FSBP: variants seen among roughly 807,000 people sequenced by gnomAD.
The protein encoded by FSBP is fibrinogen silencer binding protein, also known as fibrinogen silencer-binding protein.
A neutral mutation model predicts 24.6 loss-of-function variants in FSBP; 18 were observed. The ratio of observed to expected loss-of-function variants is 0.73; its 90% CI spans 0.51 to 1.08. The LOEUF is 1.08. Among genes scored for constraint, FSBP ranks in the 50% least tolerant of loss-of-function variants. The probability of loss-of-function intolerance (pLI) is 0.00; values close to 1 mark genes in which losing one functional copy is unlikely to be tolerated. For synonymous variants in FSBP, 110 were observed against 125.8 expected, an observed-to-expected ratio of 0.87 and a Z score of 0.84; for missense variants, 305 against 347.6, an observed-to-expected ratio of 0.88 and a Z score of 0.98.
In FSBP at chr8:94,429,185, A is replaced by C. The variant is rs748095269; in HGVS notation, c.*2946T>G. The C allele has an allele frequency of 3.1e-5, 26 of 840,812 alleles. No individual in the cohort carries two copies. The highest frequency in any genetic ancestry group is 3.7e-5 in the Non-Finnish European group (26 of 698,222). 52.1% of individuals were successfully genotyped at this position (840,812 alleles called of 1,614,324 possible). The stretch of plus-strand genomic sequence containing the variant: ...GGTTTCTTATTGTATACAGCCCCTA[A>C]ATGCTAATGAATTGTGTCACCTAAC... On this transcript the variant is annotated 3_prime_UTR_variant, in exon 2 of 2. Coordinates refer to ENST00000481490, the MANE Select transcript of FSBP (RefSeq NM_001256141.2).
In FSBP at chr8:94,430,874, C is replaced by A; in HGVS notation, c.*1257G>T. On this transcript the variant is annotated 3_prime_UTR_variant, in exon 2 of 2. Transcript: ENST00000481490. Reference sequence around the variant, plus strand: ...CCTTCCTAGTCCAGGATACTACAGCCCAAATTGACTCTCTCTACATTCACT... The same window carrying A: ...CCTTCCTAGTCCAGGATACTACAGCACAAATTGACTCTCTCTACATTCACT... The A allele has an allele frequency of 3.0e-6, 3 of 985,376 alleles. No homozygotes were observed. Among genetic ancestry groups the A allele is most frequent in the Non-Finnish European group, 3.6e-6 (3 of 829,916 alleles). 61.0% of individuals were successfully genotyped at this position (985,376 alleles called of 1,614,324 possible).
In FSBP at chr8:94,436,936, T is replaced by C; in HGVS notation, c.-68A>G. 6.9e-7 allele frequency: 1 copy of C among 1,451,692 alleles called. No individual in the cohort carries two copies. The highest frequency in any genetic ancestry group is 2.5e-5 in the East Asian group (1 of 39,842). 89.9% of individuals were successfully genotyped at this position (1,451,692 alleles called of 1,614,324 possible). ...CAGCCTTCAGCTCTGCTCAGCTCTT[T>C]TCACAAACAGAAAAAGATCAGGCTT... On this transcript the variant is annotated 5_prime_UTR_variant, in exon 1 of 2. Transcript: ENST00000481490.
At position 94,428,070 on chromosome 8, in the gene FSBP, A is replaced by C. The variant is rs1465600534; in HGVS notation, c.*4061T>G. On this transcript the variant is annotated 3_prime_UTR_variant, in exon 2 of 2. Transcript: ENST00000481490. ...CAGGATGTCATTATAAATCACAGCT[A>C]GTTTAGAAAATCATAAGTTGTAACA... 2.7e-5 allele frequency: 26 copies of C among 950,086 alleles called. No homozygotes were observed. Among genetic ancestry groups the C allele is most frequent in the Non-Finnish European group, 3.3e-5 (26 of 797,932 alleles). The allele number at this position is 950,086 out of a possible 1,614,324, so 58.9% of individuals were successfully genotyped here. A position where few individuals can be genotyped will look rare whatever the true frequency, so the allele number is the denominator to read the frequency against.
chr8:94,433,005 T>G (rs1563655439), intron 1 of FSBP, among the ~76,000 whole-genome samples: 1 of 152,206 alleles, frequency 6.6e-6, no homozygotes, highest in East Asian at 1.9e-4. Flanking sequence ...TTTCAAATGG[T>G]GTACAGAGCC....
In FSBP at chr8:94,436,651, T is replaced by C; in HGVS notation, c.218A>G (p.Lys73Arg). Reference protein sequence around the residue: ...RTAQGLRTLYKRLKEYAKQEL... With the variant: ...RTAQGLRTLYRRLKEYAKQEL... Reference sequence around the variant, plus strand: ...CTGTTTGGCATATTCTTTGAGCCTTTTATAAAGGGTGCGTAGGCCCTGTGC... The same window carrying C: ...CTGTTTGGCATATTCTTTGAGCCTTCTATAAAGGGTGCGTAGGCCCTGTGC... The change falls in exon 1 of 2, where the codon AAA becomes AGA. Residue 73 changes from lysine to arginine, a missense_variant. Lys to Arg is a conservative substitution (Grantham distance 26, BLOSUM62 2). Transcript: ENST00000481490. 1 of 1,550,532 alleles carries C rather than the reference T, an allele frequency of 6.4e-7. No homozygotes were observed. The highest frequency in any genetic ancestry group is 8.7e-7 in the Non-Finnish European group (1 of 1,146,954).
chr8:94,431,109 C>T lies in FSBP; in HGVS notation c.*1022G>A, dbSNP rs1256019047. On this transcript the variant is annotated 3_prime_UTR_variant, in exon 2 of 2. Coordinates refer to ENST00000481490, the MANE Select transcript of FSBP (RefSeq NM_001256141.2). ...AAAATAGAAATTCTTAAGTAACATA[C>T]ATATTAGAGATTTAATATAAATTTA... 1.0e-6 allele frequency: 1 copy of T among 967,256 alleles called. No homozygotes were observed. The allele number at this position is 967,256 out of a possible 1,614,324, so 59.9% of individuals were successfully genotyped here.
Position 94,431,597 on chromosome 8 carries a change from G to C in FSBP, c.*534C>G. 1.1e-6 allele frequency: 1 copy of C among 917,796 alleles called. No homozygotes were observed. Among genetic ancestry groups the C allele is most frequent in the Non-Finnish European group, 1.3e-6 (1 of 768,612 alleles). 56.9% of individuals were successfully genotyped at this position (917,796 alleles called of 1,614,324 possible). On this transcript the variant is annotated 3_prime_UTR_variant, in exon 2 of 2. Transcript: ENST00000481490. The stretch of plus-strand genomic sequence containing the variant: ...AAGTCATTGAGTTCTCCCTGGACCT[G>C]TTTCATTACCCCTAAACTGCAGAGA...
chr8:94,430,023 T>C lies in FSBP; in HGVS notation c.*2108A>G, dbSNP rs1812047102. On this transcript the variant is annotated 3_prime_UTR_variant, in exon 2 of 2. Coordinates refer to ENST00000481490, the MANE Select transcript of FSBP (RefSeq NM_001256141.2). ...TACGTTAAGTCTGACTCATTAAAAA[T>C]AGTATTTAGGCTGGGCACGGTGGCT... 1 of 985,286 alleles carries C rather than the reference T, an allele frequency of 1.0e-6. No homozygotes were observed. Among genetic ancestry groups the C allele is most frequent in the South Asian group, 4.7e-5 (1 of 21,278 alleles). 61.0% of individuals were successfully genotyped at this position (985,286 alleles called of 1,614,324 possible).
At chr8:94,436,453 G>A in intron 1 of FSBP, 42 bp downstream of exon 1, 1 of 1,486,932 alleles carries the variant, frequency 6.7e-7, no homozygotes, top group Non-Finnish European at 8.9e-7. Context: ...CAATAGATAG[G>A]AGGCGCCATA....
chr8:94,430,934 T>C lies in FSBP; in HGVS notation c.*1197A>G. The C allele has an allele frequency of 1.0e-6, 1 of 985,376 alleles. No homozygotes were observed. Among genetic ancestry groups the C allele is most frequent in the Non-Finnish European group, 1.2e-6 (1 of 829,920 alleles). The allele number at this position is 985,376 out of a possible 1,614,324, so 61.0% of individuals were successfully genotyped here. A position where few individuals can be genotyped will look rare whatever the true frequency, so the allele number is the denominator to read the frequency against. ...TGGCTTAGCACTGCATTTGTGCTTA[T>C]ATACTCAATCCACTTTTTCCCATTC... On this transcript the variant is annotated 3_prime_UTR_variant, in exon 2 of 2. Transcript: ENST00000481490.
At chr8:94,432,881 G>A (rs1409635195) in intron 1 of FSBP, among the ~76,000 whole-genome samples, 1 of 151,978 alleles carries the variant, frequency 6.6e-6, no homozygotes, top group East Asian at 1.9e-4. Flanking sequence ...TTAAAATTGT[G>A]CTTTAAAGGA....
At position 94,432,407 on chromosome 8, in the gene FSBP, A is replaced by T; in HGVS notation, c.624T>A (p.Ser208=). 6.4e-7 allele frequency: 1 copy of T among 1,550,484 alleles called. No homozygotes were observed. The highest frequency in any genetic ancestry group is 8.7e-7 in the Non-Finnish European group (1 of 1,146,896). The change falls in exon 2 of 2, where the codon TCT becomes TCA. Residue 208 remains serine, a synonymous_variant. Transcript: ENST00000481490. ...SVDMRMTSSP[S]SIPRRDDFFR... ...AAAAATCATCTCTCCTTGGAATAGA[A>T]GATGGAGACGATGTCATTCTCATAT...
chr8:94,431,000 C>T lies in FSBP; in HGVS notation c.*1131G>A, dbSNP rs1211392826. ...AGCGTCTCACTCTTGACTTCAAACA[C>T]CCATGGTCCCCTTCACTGCTGAAAT... On this transcript the variant is annotated 3_prime_UTR_variant, in exon 2 of 2. Coordinates refer to ENST00000481490, the MANE Select transcript of FSBP (RefSeq NM_001256141.2). 2 of 985,340 alleles carry T rather than the reference C, an allele frequency of 2.0e-6. No homozygotes were observed. The highest frequency in any genetic ancestry group is 1.1e-4 in the East Asian group (1 of 8,814). 61.0% of individuals were successfully genotyped at this position (985,340 alleles called of 1,614,324 possible). A position where few individuals can be genotyped will look rare whatever the true frequency, so the allele number is the denominator to read the frequency against.
At position 94,431,946 on chromosome 8, in the gene FSBP, T is replaced by C. The variant is rs1812107013; in HGVS notation, c.*185A>G. 2 of 1,281,618 alleles carry C rather than the reference T, an allele frequency of 1.6e-6. No homozygotes were observed. Among genetic ancestry groups the C allele is most frequent in the African/African-American group, 3.1e-5 (2 of 64,986 alleles). 79.4% of individuals were successfully genotyped at this position (1,281,618 alleles called of 1,614,324 possible). ...AAGAAGACAATAAAAACTATAACCATGCCAACCAACCAGTAAATTTTAATA... is the reference window on the plus strand; with the variant it reads ...AAGAAGACAATAAAAACTATAACCACGCCAACCAACCAGTAAATTTTAATA... On this transcript the variant is annotated 3_prime_UTR_variant, in exon 2 of 2. Coordinates refer to ENST00000481490, the MANE Select transcript of FSBP (RefSeq NM_001256141.2).
At position 94,432,208 on chromosome 8, in the gene FSBP, G is replaced by A. The variant is rs549737241; in HGVS notation, c.823C>T (p.Leu275=). 7 of 1,550,164 alleles carry A rather than the reference G, an allele frequency of 4.5e-6. No individual in the cohort carries two copies. In the South Asian group the frequency reaches 7.1e-5, roughly 16 times the overall value. ...KRRQQLEEEL[L]RAKIEVEKLK... is the part of the protein sequence containing the mutation. ...TTCTCCACTTCAATTTTTGCTCTTA[G>A]TAGCTCTTCCTCTAGCTGCTGCCTT... is the stretch of plus-strand genomic sequence containing the variant. Residue 275 remains leucine (L), a synonymous_variant, in exon 2 of 2, where the codon CTA becomes TTA. Transcript: ENST00000481490.
At position 94,430,385 on chromosome 8, in the gene FSBP, T is replaced by C; in HGVS notation, c.*1746A>G. ...CATCATCCAAATTTATATCCCTCAGTTCACTTTCAACTACTCTTCGACAAA... is the reference window on the plus strand; with the variant it reads ...CATCATCCAAATTTATATCCCTCAGCTCACTTTCAACTACTCTTCGACAAA... On this transcript the variant is annotated 3_prime_UTR_variant, in exon 2 of 2. Coordinates refer to ENST00000481490, the MANE Select transcript of FSBP (RefSeq NM_001256141.2). The C allele has an allele frequency of 1.0e-6, 1 of 985,278 alleles. No individual in the cohort carries two copies. Among genetic ancestry groups the C allele is most frequent in the Non-Finnish European group, 1.2e-6 (1 of 829,844 alleles). 61.0% of individuals were successfully genotyped at this position (985,278 alleles called of 1,614,324 possible).
Position 94,427,910 on chromosome 8 carries a change from G to C in FSBP, c.*4221C>G. ...AAACATTTTCACATAAGTAAAGATA[G>C]AACAGGGTAGAATGACTCCTTAAAA... On this transcript the variant is annotated 3_prime_UTR_variant, in exon 2 of 2. Coordinates refer to ENST00000481490, the MANE Select transcript of FSBP (RefSeq NM_001256141.2). 1.1e-6 allele frequency: 1 copy of C among 927,554 alleles called. No homozygotes were observed. The highest frequency in any genetic ancestry group is 1.3e-6 in the Non-Finnish European group (1 of 780,712). 57.5% of individuals were successfully genotyped at this position (927,554 alleles called of 1,614,324 possible).
At position 94,436,723 on chromosome 8, in the gene FSBP, A is replaced by G; in HGVS notation, c.146T>C (p.Ile49Thr). ...IVEKNRCWDIIAVNYNAIGVD... is the reference protein window; with the variant it reads ...IVEKNRCWDITAVNYNAIGVD... ...TCCAATTGCATTATAGTTAACTGCT[A>G]TGATATCCCAACATCTATTCTTTTC... Residue 49 changes from isoleucine to threonine, a missense_variant, in exon 1 of 2, where the codon ATA becomes ACA. Transcript: ENST00000481490. 6.4e-7 allele frequency: 1 copy of G among 1,550,766 alleles called. No homozygotes were observed. Among genetic ancestry groups the G allele is most frequent in the Non-Finnish European group, 8.7e-7 (1 of 1,146,998 alleles).
rs1811984436 is a variant in FSBP, at chr8:94,427,908, T to C, written c.*4223A>G. Reference sequence around the variant, plus strand: ...TTAAACATTTTCACATAAGTAAAGATAGAACAGGGTAGAATGACTCCTTAA... The same window carrying C: ...TTAAACATTTTCACATAAGTAAAGACAGAACAGGGTAGAATGACTCCTTAA... On this transcript the variant is annotated 3_prime_UTR_variant, in exon 2 of 2. Coordinates refer to ENST00000481490, the MANE Select transcript of FSBP (RefSeq NM_001256141.2). 1.1e-6 allele frequency: 1 copy of C among 928,828 alleles called. No individual in the cohort carries two copies. Among genetic ancestry groups the C allele is most frequent in the African/African-American group, 1.8e-5 (1 of 54,956 alleles). 57.5% of individuals were successfully genotyped at this position (928,828 alleles called of 1,614,324 possible). A position where few individuals can be genotyped will look rare whatever the true frequency, so the allele number is the denominator to read the frequency against.
Sources: allele counts gnomAD v4.1 joint callset (sites outside exome capture counted in the v4.1 genomes callset), GRCh38; gene constraint gnomAD v4.1.1; transcripts MANE v1.5; gene names NCBI Gene and HGNC (gene_info 2026-07-23, HGNC 2026-07-21).